PCSK5: variants seen among roughly 807,000 people sequenced by gnomAD.
PCSK5 encodes proprotein convertase subtilisin/kexin type 5, also known as prohormone convertase 5.
PCSK5 carries 129 observed loss-of-function variants against 233.2 expected under a neutral mutation model. The observed-to-expected ratio is 0.55, with a 90% CI of 0.48 to 0.64. PCSK5 has a LOEUF of 0.64. Among genes scored for constraint, PCSK5 ranks in the 30% least tolerant of loss-of-function variants. The pLI, the probability that PCSK5 is intolerant of heterozygous loss-of-function variation, is 0.00. For synonymous variants in PCSK5, 825 were observed against 879.2 expected (o/e 0.94, Z 1.09); for missense variants, 2,076 against 2,430.1 (o/e 0.85, Z 3.06).
intron 24 of PCSK5, among the ~76,000 whole-genome samples, chr9:76,263,656 AT>A (rs1444362406): frequency 6.6e-6 from 1 of 151,998 alleles, no homozygotes; most frequent in Non-Finnish European, 1.5e-5. Flanking sequence ...GAGGGATAGC[AT>A]TAGGACATAT....
At chr9:76,144,706 T>G (rs1457072529) in intron 10 of PCSK5, among the ~76,000 whole-genome samples, 1 of 152,216 alleles carries the variant, frequency 6.6e-6, no homozygotes, top group Admixed American at 6.5e-5. Flanking sequence ...ACAGGTATCT[T>G]TTAAGAAGTA....
At chr9:76,272,801 A>AAAAAAAAAAC (rs1827562926) in intron 24 of PCSK5, among the ~76,000 whole-genome samples, 1 of 149,520 alleles carries the variant, frequency 6.7e-6, no homozygotes, top group Non-Finnish European at 1.5e-5. Context: ...AAAAAAAAAA[A>AAAAAAAAAAC]ATTCACACTC....
intron 5 of PCSK5, among the ~76,000 whole-genome samples, chr9:76,051,098 G>C (rs558403947): frequency 8.2e-4 from 125 of 152,284 alleles, no homozygotes; most frequent in African/African-American, 2.7e-3. Flanking sequence ...CCAATGCTAA[G>C]ACTTCATCAT....
chr9:76,207,268 T>C (rs1825154467), intron 20 of PCSK5, among the ~76,000 whole-genome samples: 2 of 152,230 alleles, frequency 1.3e-5, no homozygotes, highest in South Asian at 4.1e-4. Flanking sequence ...ACATGAGGAC[T>C]TGGATATCTT....
At chr9:76,007,588 T>G (rs1827533239) in intron 3 of PCSK5, among the ~76,000 whole-genome samples, 1 of 152,102 alleles carries the variant, frequency 6.6e-6, no homozygotes, top group African/African-American at 2.4e-5. Flanking sequence ...GGCCTTCTGA[T>G]TTAGTGATTC....
intron 10 of PCSK5, among the ~76,000 whole-genome samples, chr9:76,137,726 G>A (rs1021617604): frequency 6.6e-6 from 1 of 151,908 alleles, no homozygotes; most frequent in Non-Finnish European, 1.5e-5. Context: ...ATGAGAATAG[G>A]GAATTATTTG....
intron 3 of PCSK5, among the ~76,000 whole-genome samples, chr9:76,021,044 A>AT (rs935404574): frequency 6.6e-6 from 1 of 152,134 alleles, no homozygotes; most frequent in Non-Finnish European, 1.5e-5. Context: ...AATCTACACT[A>AT]TTTTTTTAAT....
At chr9:76,222,500 C>A (rs935416596) in intron 20 of PCSK5, among the ~76,000 whole-genome samples, 7 of 152,144 alleles carry the variant, frequency 4.6e-5, no homozygotes, top group African/African-American at 1.4e-4. Context: ...TTAAATAACC[C>A]TTTCCCCCTA....
chr9:76,249,440 T>G (rs978342699), intron 24 of PCSK5, among the ~76,000 whole-genome samples: 10 of 152,178 alleles, frequency 6.6e-5, no homozygotes, highest in Admixed American at 1.3e-4. Context: ...AATAAAGAGA[T>G]AAAACAATCA....
chr9:75,897,203 A>G (rs1438479170), intron 1 of PCSK5, among the ~76,000 whole-genome samples: 1 of 152,164 alleles, frequency 6.6e-6, no homozygotes, highest in Non-Finnish European at 1.5e-5. Context: ...CACCTAAGAG[A>G]TGCACAGGCA....
chr9:76,325,187 G>A (rs992378335), intron 32 of PCSK5, among the ~76,000 whole-genome samples: 1 of 152,148 alleles, frequency 6.6e-6, no homozygotes, highest in Non-Finnish European at 1.5e-5. Context: ...AGCTGGGAAT[G>A]GCTTCTGGGA....
At chr9:76,229,087 T>C (rs1825990713) in intron 21 of PCSK5, among the ~76,000 whole-genome samples, 1 of 152,218 alleles carries the variant, frequency 6.6e-6, no homozygotes. Context: ...GGAACAGTTT[T>C]AAGAATTTTT....
intron 3 of PCSK5, among the ~76,000 whole-genome samples, chr9:76,006,205 A>G (rs1208158490): frequency 6.6e-6 from 1 of 151,900 alleles, no homozygotes; most frequent in African/African-American, 2.4e-5. Context: ...TAGGTGTTAG[A>G]TTTTGCTTTG....
intron 30 of PCSK5, among the ~76,000 whole-genome samples, chr9:76,319,020 AGTCAATTTAGGAAGTTTATTTT>A (rs1184319348): frequency 3.9e-5 from 6 of 152,224 alleles, no homozygotes; most frequent in Non-Finnish European, 8.8e-5. Context: ...GGCAGGTCTC[AGTCAATTTAGGAAGTTTATTTT>A]GCCACAGTTG....
chr9:76,332,060 G>A (rs909897035), intron 33 of PCSK5, among the ~76,000 whole-genome samples: 8 of 152,194 alleles, frequency 5.3e-5, no homozygotes, highest in African/African-American at 1.7e-4. Flanking sequence ...ATGAGCCATT[G>A]CCAACATCCA....
chr9:75,969,419 C>T (rs903228778), intron 2 of PCSK5, among the ~76,000 whole-genome samples: 16 of 152,166 alleles, frequency 1.1e-4, no homozygotes, highest in Non-Finnish European at 2.4e-4. Context: ...TAACTTCAAT[C>T]CCTGGGTCTT....
intron 14 of PCSK5, among the ~76,000 whole-genome samples, chr9:76,177,183 A>G (rs1204918674): frequency 2.0e-5 from 3 of 152,102 alleles, no homozygotes; most frequent in Admixed American, 2.0e-4. Flanking sequence ...AATCCCAGCT[A>G]CTGGAGAGGC....
At chr9:76,286,096 C>T (rs1828054312) in intron 24 of PCSK5, among the ~76,000 whole-genome samples, 1 of 152,000 alleles carries the variant, frequency 6.6e-6, no homozygotes, top group African/African-American at 2.4e-5. Context: ...TACAATATAC[C>T]CAGTGGACAT....
At chr9:75,899,288 T>C (rs952781870) in intron 1 of PCSK5, among the ~76,000 whole-genome samples, 1 of 152,190 alleles carries the variant, frequency 6.6e-6, no homozygotes, top group Non-Finnish European at 1.5e-5. Flanking sequence ...CAACATGATA[T>C]TTTGATATAC....
Sources: allele counts gnomAD v4.1 joint callset (sites outside exome capture counted in the v4.1 genomes callset), GRCh38; gene constraint gnomAD v4.1.1; transcripts MANE v1.5; gene names NCBI Gene and HGNC (gene_info 2026-07-23, HGNC 2026-07-21).